Variants in COL24A1 observed in about 807,000 individuals in gnomAD.
The protein encoded by COL24A1 is collagen type XXIV alpha 1 chain, also known as collagen alpha-1(XXIV) chain.
COL24A1 carries 224 observed loss-of-function variants against 253.9 expected under a neutral mutation model. The ratio of observed to expected loss-of-function variants is 0.88; its 90% CI spans 0.79 to 0.99. COL24A1 has a LOEUF of 0.99. Among genes scored for constraint, COL24A1 ranks in the 50% least tolerant of loss-of-function variants. COL24A1 has a pLI of 0.00. For synonymous variants in COL24A1, 685 were observed against 673.7 expected, an observed-to-expected ratio of 1.02 and a Z score of -0.26; for missense variants, 2,131 against 2,068.5, an observed-to-expected ratio of 1.03 and a Z score of -0.59.
At chr1:85,826,832 C>T (rs1294974582) in intron 43 of COL24A1, among the ~76,000 whole-genome samples, 3 of 152,110 alleles carry the variant, frequency 2.0e-5, no homozygotes, top group South Asian at 4.2e-4. Context: ...TGGGCTGAGA[C>T]AATGGAGTTT....
chr1:85,978,658 T>C (rs938512740), intron 20 of COL24A1, among the ~76,000 whole-genome samples: 3 of 152,146 alleles, frequency 2.0e-5, no homozygotes, highest in Non-Finnish European at 2.9e-5. Flanking sequence ...TCAATATATA[T>C]GCACCTAACA....
intron 7 of COL24A1, among the ~76,000 whole-genome samples, chr1:86,083,843 C>T (rs1702858284): frequency 6.6e-6 from 1 of 152,160 alleles, no homozygotes; most frequent in South Asian, 2.1e-4. Flanking sequence ...CACTGAACTG[C>T]AATACCACAG....
chr1:86,057,861 A>G, intron 10 of COL24A1, 70 bp downstream of exon 10: 1 of 1,359,872 alleles, frequency 7.4e-7, no homozygotes, highest in Non-Finnish European at 1.0e-6. Flanking sequence ...TAAAAATGCT[A>G]AGTGTTTTAT....
chr1:86,045,302 C>T (rs1042188710), intron 12 of COL24A1, among the ~76,000 whole-genome samples: 5 of 151,998 alleles, frequency 3.3e-5, no homozygotes, highest in Admixed American at 2.6e-4. Flanking sequence ...CAGACTGTAC[C>T]TACTTAGTAA....
chr1:86,084,127 A>C (rs1396800313), intron 7 of COL24A1, among the ~76,000 whole-genome samples: 1 of 152,184 alleles, frequency 6.6e-6, no homozygotes, highest in South Asian at 2.1e-4. Context: ...AGAGAAAACT[A>C]TGGCAAAATT....
intron 7 of COL24A1, among the ~76,000 whole-genome samples, chr1:86,073,259 A>C (rs771041682): frequency 6.6e-6 from 1 of 152,208 alleles, no homozygotes; most frequent in African/African-American, 2.4e-5. Flanking sequence ...AACTGGATTA[A>C]CCAGTTTAGA....
chr1:85,774,345 T>C (rs1333738761), intron 53 of COL24A1, among the ~76,000 whole-genome samples: 9 of 152,248 alleles, frequency 5.9e-5, no homozygotes, highest in Non-Finnish European at 1.2e-4. Context: ...TTTTGTTGTG[T>C]CTCTGCCGGG....
chr1:86,000,138 A>G (rs17405077), intron 19 of COL24A1, among the ~76,000 whole-genome samples: 60,702 of 151,970 alleles, frequency 0.4, 12,559 homozygotes, highest in East Asian at 0.61. Flanking sequence ...ATTAATAAAC[A>G]ATCTAATTCA....
intron 55 of COL24A1, among the ~76,000 whole-genome samples, chr1:85,757,765 A>G (rs1313495954): frequency 6.6e-6 from 1 of 152,152 alleles, no homozygotes; most frequent in African/African-American, 2.4e-5. Flanking sequence ...TAAGAAAGGC[A>G]GGGTCAGAGA....
intron 37 of COL24A1, among the ~76,000 whole-genome samples, chr1:85,863,129 G>C (rs913681809): frequency 9.2e-5 from 14 of 152,124 alleles, no homozygotes; most frequent in Non-Finnish European, 1.8e-4. Flanking sequence ...TCTGTTATTG[G>C]TGCATAAGAA....
Position 85,784,266 on chromosome 1 carries a change from C to G in COL24A1, c.4160G>C (p.Gly1387Ala). 1.9e-6 allele frequency: 3 copies of G among 1,613,978 alleles called. No homozygotes were observed. The highest frequency in any genetic ancestry group is 2.5e-6 in the Non-Finnish European group (3 of 1,179,904). ...TTCTGAGGTGGTACATACAGGCTGC[C>G]CTTTCAGGCCAGGGTCTCCACATGG... ...QGPCGDPGLKGQPGEYGVQGL... is the reference protein window; with the variant it reads ...QGPCGDPGLKAQPGEYGVQGL... The change falls in exon 49 of 60, where the codon GGG becomes GCG. Residue 1387 changes from glycine (G) to alanine (A), a missense_variant. Gly to Ala is a moderately conservative substitution (Grantham distance 60, BLOSUM62 0). Coordinates refer to ENST00000370571, the MANE Select transcript of COL24A1 (RefSeq NM_152890.7).
At chr1:85,855,886 G>C (rs1422966275) in intron 37 of COL24A1, among the ~76,000 whole-genome samples, 2 of 152,118 alleles carry the variant, frequency 1.3e-5, no homozygotes, top group African/African-American at 2.4e-5. Flanking sequence ...TTATTGGTCT[G>C]CTCAGGGTTT....
At chr1:85,916,392 A>G (rs1036220805) in intron 24 of COL24A1, among the ~76,000 whole-genome samples, 1 of 152,232 alleles carries the variant, frequency 6.6e-6, no homozygotes, top group South Asian at 2.1e-4. Context: ...AAAAGTAGAT[A>G]GTTCACAGGG....
At chr1:85,735,651 T>C (rs936148381) in intron 58 of COL24A1, among the ~76,000 whole-genome samples, 4 of 152,058 alleles carry the variant, frequency 2.6e-5, no homozygotes, top group Non-Finnish European at 5.9e-5. Context: ...AACTAATATA[T>C]ATATTAGTTA....
chr1:86,083,208 A>G (rs12753548), intron 7 of COL24A1, among the ~76,000 whole-genome samples: 51,109 of 151,610 alleles, frequency 0.34, 9,104 homozygotes, highest in Middle Eastern at 0.49. Context: ...TGAGGCAGGA[A>G]AATGGCGTGA....
At chr1:86,034,876 A>G (rs1210066872) in intron 12 of COL24A1, among the ~76,000 whole-genome samples, 1 of 152,110 alleles carries the variant, frequency 6.6e-6, no homozygotes, top group Non-Finnish European at 1.5e-5. Flanking sequence ...CTATTTTATA[A>G]AAATGTTTAT....
chr1:85,775,533 A>G (rs1263362454), intron 53 of COL24A1, 141 bp downstream of exon 53: 3 of 674,408 alleles, frequency 4.4e-6, no homozygotes, highest in Non-Finnish European at 7.5e-6. Flanking sequence ...GGTTAATTCT[A>G]CTTCCTGACA....
At position 85,875,338 on chromosome 1, in the gene COL24A1, A is replaced by G. The variant is rs757487611; in HGVS notation, c.3031-8T>C. On this transcript the variant is annotated splice_region_variant and splice_polypyrimidine_tract_variant and intron_variant, in intron 33 of 59. Coordinates refer to ENST00000370571, the MANE Select transcript of COL24A1 (RefSeq NM_152890.7). ...CTCAGTGCCTGGAGGTCCCTACAAG[A>G]GAATAATTTAACACATTACAAAGGC... The G allele has an allele frequency of 2.5e-6, 4 of 1,612,326 alleles. No homozygotes were observed. Among genetic ancestry groups the G allele is most frequent in the Non-Finnish European group, 3.4e-6 (4 of 1,178,588 alleles).
intron 3 of COL24A1, 27 bp downstream of exon 3, chr1:86,124,818 G>T: frequency 6.7e-7 from 1 of 1,485,012 alleles, no homozygotes; most frequent in Non-Finnish European, 8.9e-7. Context: ...TAGCATATTA[G>T]GAGATATTAA....
Sources: allele counts gnomAD v4.1 joint callset (sites outside exome capture counted in the v4.1 genomes callset), GRCh38; gene constraint gnomAD v4.1.1; transcripts MANE v1.5; gene names NCBI Gene and HGNC (gene_info 2026-07-23, HGNC 2026-07-21).